KCNQ1OT1: variants seen among roughly 807,000 people sequenced by gnomAD.
KCNQ1OT1 encodes the protein KCNQ1 antisense RNA 2 (non-protein coding).
Position 2,647,734 on chromosome 11 carries a change from G to T in KCNQ1OT1, n.52261C>A, listed in dbSNP as rs1161726170. ...GGTTCAATCTTGGGAGGTTATATAT[G>T]TCCAGGAATTTATCTCTTTCCTCTA... On this transcript the variant is annotated non_coding_transcript_exon_variant, in exon 1 of 1. Coordinates refer to ENST00000597346, the Ensembl canonical transcript of KCNQ1OT1. This position sits in a 1 kb window ranked among gnomAD's most constrained non-coding sequence, Gnocchi z 4.0. The T allele has an allele frequency of 5.0e-6, 2 of 398,172 alleles. No individual in the cohort carries two copies. Among genetic ancestry groups the T allele is most frequent in the Non-Finnish European group, 8.8e-6 (2 of 226,012 alleles). 24.7% of individuals were successfully genotyped at this position (398,172 alleles called of 1,614,324 possible).
Position 2,617,150 on chromosome 11 carries a change from G to T in KCNQ1OT1, n.82845C>A, listed in dbSNP as rs1296283425. On this transcript the variant is annotated non_coding_transcript_exon_variant, in exon 1 of 1. Transcript: ENST00000597346. This position sits in a 1 kb window ranked among gnomAD's most constrained non-coding sequence, Gnocchi z 4.6. ...AATGCAATATACTAACTATTCTCATGTTCTACATGAGATCTCTAGACTTGT... is the reference window on the plus strand; with the variant it reads ...AATGCAATATACTAACTATTCTCATTTTCTACATGAGATCTCTAGACTTGT... The T allele has an allele frequency of 2.5e-6, 1 of 398,072 alleles. No individual in the cohort carries two copies. Among genetic ancestry groups the T allele is most frequent in the Non-Finnish European group, 4.4e-6 (1 of 225,884 alleles). The allele number at this position is 398,072 out of a possible 1,614,324, so 24.7% of individuals were successfully genotyped here.
exon 1 of KCNQ1OT1, chr11:2,697,951 TAC>T: frequency 2.5e-6 from 1 of 398,666 alleles, no homozygotes; most frequent in East Asian, 3.6e-5. Context: ...CACATTAAAA[TAC>T]ACCCATAATC....
chr11:2,679,090 GC>G lies in KCNQ1OT1; in HGVS notation n.20904del. 2.5e-6 allele frequency: 1 copy of G among 398,624 alleles called. No individual in the cohort carries two copies. 24.7% of individuals were successfully genotyped at this position (398,624 alleles called of 1,614,324 possible). A position where few individuals can be genotyped will look rare whatever the true frequency, so the allele number is the denominator to read the frequency against. On this transcript the variant is annotated non_coding_transcript_exon_variant, in exon 1 of 1. Coordinates refer to ENST00000597346, the Ensembl canonical transcript of KCNQ1OT1. The surrounding 1 kb of genome is among the most constrained non-coding windows in gnomAD (Gnocchi z 4.8). ...CCCACTAACACCATAAAGTGTCATAGCTAGAGCTAGAGTGCTGTTATAAGCT... is the reference window on the plus strand; with the variant it reads ...CCCACTAACACCATAAAGTGTCATAGTAGAGCTAGAGTGCTGTTATAAGCT...
In KCNQ1OT1 at chr11:2,653,357, C is replaced by T. The variant is rs956445664; in HGVS notation, n.46638G>A. The T allele has an allele frequency of 1.5e-5, 6 of 398,624 alleles. No individual in the cohort carries two copies. Among genetic ancestry groups the T allele is most frequent in the East Asian group, 3.6e-5 (1 of 28,096 alleles). The allele number at this position is 398,624 out of a possible 1,614,324, so 24.7% of individuals were successfully genotyped here. A position where few individuals can be genotyped will look rare whatever the true frequency, so the allele number is the denominator to read the frequency against. On this transcript the variant is annotated non_coding_transcript_exon_variant, in exon 1 of 1. Transcript: ENST00000597346. This position sits in a 1 kb window ranked among gnomAD's most constrained non-coding sequence, Gnocchi z 5.3. ...CATGTCCGTAGGCTCACACCTCACC[C>T]CCAACTTTGTCATGCACATTCCTGA...
In KCNQ1OT1 at chr11:2,652,329, G is replaced by C. The variant is rs1849770025; in HGVS notation, n.47666C>G. The C allele has an allele frequency of 2.5e-6, 1 of 398,512 alleles. No individual in the cohort carries two copies. The highest frequency in any genetic ancestry group is 1.3e-4 in the South Asian group (1 of 7,856). 24.7% of individuals were successfully genotyped at this position (398,512 alleles called of 1,614,324 possible). A position where few individuals can be genotyped will look rare whatever the true frequency, so the allele number is the denominator to read the frequency against. On this transcript the variant is annotated non_coding_transcript_exon_variant, in exon 1 of 1. Coordinates refer to ENST00000597346, the Ensembl canonical transcript of KCNQ1OT1. This position sits in a 1 kb window ranked among gnomAD's most constrained non-coding sequence, Gnocchi z 5.9. ...TGCTTTGATTATTGTGTGAAGTTAA[G>C]AACTGGCACATTTCCGCGATGTTGT...
In KCNQ1OT1 at chr11:2,682,355, C is replaced by T; in HGVS notation, n.17640G>A. On this transcript the variant is annotated non_coding_transcript_exon_variant, in exon 1 of 1. Transcript: ENST00000597346. This position sits in a 1 kb window ranked among gnomAD's most constrained non-coding sequence, Gnocchi z 5.8. Reference sequence around the variant, plus strand: ...TTATTTGTGGTAAAGGGTTTACTGGCTGGCTCCTTCTATCACATTCAAGGA... The same window carrying T: ...TTATTTGTGGTAAAGGGTTTACTGGTTGGCTCCTTCTATCACATTCAAGGA... The T allele has an allele frequency of 2.5e-6, 1 of 398,630 alleles. No individual in the cohort carries two copies. Among genetic ancestry groups the T allele is most frequent in the Non-Finnish European group, 4.4e-6 (1 of 226,078 alleles). 24.7% of individuals were successfully genotyped at this position (398,630 alleles called of 1,614,324 possible).
exon 1 of KCNQ1OT1, chr11:2,688,232 C>T (rs1481831070): frequency 5.0e-6 from 2 of 398,624 alleles, no homozygotes; most frequent in African/African-American, 2.1e-5. Flanking sequence ...TGTAGCCACT[C>T]ATACAGGGCT....
chr11:2,649,354 T>C, exon 1 of KCNQ1OT1: 1 of 398,554 alleles, frequency 2.5e-6, no homozygotes, highest in South Asian at 1.3e-4. Context: ...TTTTCCTTTC[T>C]CATTTGTGTA....
exon 1 of KCNQ1OT1, chr11:2,689,797 C>T: frequency 2.5e-6 from 1 of 398,726 alleles, no homozygotes; most frequent in Non-Finnish European, 4.4e-6. Context: ...AGGGGAAGCA[C>T]TGCGTTCTCA....
In KCNQ1OT1 at chr11:2,674,672, GA is replaced by G. The variant is rs1047050671; in HGVS notation, n.25322del. 1.5e-5 allele frequency: 6 copies of G among 398,350 alleles called. No homozygotes were observed. The highest frequency in any genetic ancestry group is 1.2e-4 in the African/African-American group (6 of 48,564). 24.7% of individuals were successfully genotyped at this position (398,350 alleles called of 1,614,324 possible). A position where few individuals can be genotyped will look rare whatever the true frequency, so the allele number is the denominator to read the frequency against. The stretch of plus-strand genomic sequence containing the variant: ...GCCAGAACTTTTTGCAAAATAATTT[GA>G]AAAGTTTGTTGAACCTTAAACCTTT... On this transcript the variant is annotated non_coding_transcript_exon_variant, in exon 1 of 1. Transcript: ENST00000597346. The surrounding 1 kb of genome is among the most constrained non-coding windows in gnomAD (Gnocchi z 5.9).
exon 1 of KCNQ1OT1, chr11:2,610,881 C>T (rs1481098972): frequency 7.5e-6 from 3 of 398,324 alleles, no homozygotes; most frequent in Non-Finnish European, 1.3e-5. Context: ...AGCCTCACCT[C>T]CCACCATTTC....
chr11:2,665,409 G>A (rs1261706001), exon 1 of KCNQ1OT1: 1 of 397,816 alleles, frequency 2.5e-6, no homozygotes, highest in Non-Finnish European at 4.4e-6. Flanking sequence ...ATGAGTTCCT[G>A]GGATTCTGAC....
At chr11:2,619,841 G>C in exon 1 of KCNQ1OT1, 1 of 398,332 alleles carries the variant, frequency 2.5e-6, no homozygotes, top group South Asian at 1.3e-4. Context: ...TTCTTTGTTT[G>C]AGGTTTTGGG....
chr11:2,622,901 T>C, exon 1 of KCNQ1OT1: 3 of 398,674 alleles, frequency 7.5e-6, no homozygotes, highest in Non-Finnish European at 1.3e-5. Flanking sequence ...AAGTCCCTAG[T>C]TAACATTAGG....
exon 1 of KCNQ1OT1, chr11:2,649,379 G>A: frequency 2.5e-6 from 1 of 398,268 alleles, no homozygotes; most frequent in Non-Finnish European, 4.4e-6. Flanking sequence ...CTCTACTAGT[G>A]TTTTATGCTT....
chr11:2,695,220 TAA>T lies in KCNQ1OT1; in HGVS notation n.4773_4774del. ...CACTGTCACCCTGTAAGGGTCTGCA[TAA>T]AGTCACCGCTCTCTTCCTCTCCATG... On this transcript the variant is annotated non_coding_transcript_exon_variant, in exon 1 of 1. Coordinates refer to ENST00000597346, the Ensembl canonical transcript of KCNQ1OT1. The surrounding 1 kb of genome is among the most constrained non-coding windows in gnomAD (Gnocchi z 5.2). The T allele has an allele frequency of 2.5e-6, 1 of 398,634 alleles. No individual in the cohort carries two copies. The highest frequency in any genetic ancestry group is 4.4e-6 in the Non-Finnish European group (1 of 226,092). 24.7% of individuals were successfully genotyped at this position (398,634 alleles called of 1,614,324 possible).
chr11:2,666,157 AG>A (rs1347193052), exon 1 of KCNQ1OT1: 1 of 398,568 alleles, frequency 2.5e-6, no homozygotes, highest in East Asian at 3.6e-5. Context: ...TAGATGGGCA[AG>A]CCCCAGCTCG....
At chr11:2,634,182 T>C (rs1452544624) in exon 1 of KCNQ1OT1, 1 of 397,482 alleles carries the variant, frequency 2.5e-6, no homozygotes, top group East Asian at 3.6e-5. Context: ...CCCTTTTTTT[T>C]ATTATACTTT....
exon 1 of KCNQ1OT1, chr11:2,610,820 T>C (rs1848969156): frequency 2.6e-6 from 1 of 390,324 alleles, no homozygotes; most frequent in Non-Finnish European, 4.5e-6. Flanking sequence ...CAGCTCCACA[T>C]TTGTCTCCCT....
Sources: gnomAD v4.1 joint callset for allele counts on GRCh38, gnomAD v4.1.1 for gene constraint, Gnocchi (gnomAD v3.1) non-coding constraint, MANE v1.5 for transcripts, NCBI Gene and HGNC (gene_info 2026-07-23, HGNC 2026-07-21) for gene names.